Variants in TTBK2 observed in about 807,000 individuals in gnomAD.
TTBK2 encodes the protein tau-tubulin kinase 2.
Under a neutral mutation model 110.8 loss-of-function variants are expected in TTBK2, and 28 were observed. That is an observed-to-expected ratio of 0.25 (90% CI 0.19 to 0.35). The LOEUF is 0.35. TTBK2 is among the 10% of genes least tolerant of loss of function. The pLI is 1.00. For missense variants in TTBK2, 1,369 were observed against 1,500.3 expected (o/e 0.91, Z 1.45); for synonymous variants, 532 against 527.3 (o/e 1.01, Z -0.12).
intron 2 of TTBK2, among the ~76,000 whole-genome samples, chr15:42,874,677 G>A (rs975499331): frequency 3.3e-5 from 5 of 151,062 alleles, no homozygotes; most frequent in African/African-American, 1.2e-4. Context: ...TACAGGATGA[G>A]TTCAAGATTT....
intron 7 of TTBK2, among the ~76,000 whole-genome samples, chr15:42,814,059 C>T (rs1177726759): frequency 2.6e-5 from 4 of 151,980 alleles, no homozygotes; most frequent in Admixed American, 2.6e-4. Flanking sequence ...TCGTTGTCGT[C>T]AGCCCGGGCT....
chr15:42,884,827 C>A (rs1226633506), intron 1 of TTBK2, among the ~76,000 whole-genome samples: 1 of 152,184 alleles, frequency 6.6e-6, no homozygotes, highest in Non-Finnish European at 1.5e-5. Context: ...TCCAGATGGC[C>A]TGAAGCAACT....
intron 6 of TTBK2, among the ~76,000 whole-genome samples, chr15:42,820,992 G>A (rs934675050): frequency 1.3e-5 from 2 of 151,844 alleles, no homozygotes; most frequent in African/African-American, 4.8e-5. Context: ...AGTGAGCTGA[G>A]ATCGTGCCAC....
intron 9 of TTBK2, among the ~76,000 whole-genome samples, chr15:42,809,190 G>C (rs181205548): frequency 6.6e-6 from 1 of 152,202 alleles, no homozygotes; most frequent in Non-Finnish European, 1.5e-5. Flanking sequence ...GCAGGAAAGA[G>C]CTGGATTATT....
chr15:42,891,705 A>C (rs1292179339), intron 1 of TTBK2, among the ~76,000 whole-genome samples: 1 of 152,104 alleles, frequency 6.6e-6, no homozygotes, highest in Non-Finnish European at 1.5e-5. Context: ...TGTATCCTTT[A>C]TAATAAAAAG....
intron 3 of TTBK2, among the ~76,000 whole-genome samples, chr15:42,854,741 T>C (rs1251454035): frequency 6.6e-6 from 1 of 152,094 alleles, no homozygotes. Flanking sequence ...GTTGACTGTC[T>C]ATATGACACG....
chr15:42,840,777 A>C (rs1893189166), intron 3 of TTBK2, among the ~76,000 whole-genome samples: 1 of 152,248 alleles, frequency 6.6e-6, no homozygotes, highest in South Asian at 2.1e-4. Context: ...CAGAAGAGCA[A>C]TAAAAAAGAA....
intron 13 of TTBK2, among the ~76,000 whole-genome samples, chr15:42,756,072 C>T (rs2061941340): frequency 6.6e-6 from 1 of 151,562 alleles, no homozygotes; most frequent in Non-Finnish European, 1.5e-5. Context: ...TGGTGGGCGC[C>T]TGTAATCCCA....
At chr15:42,782,944 T>C (rs1890241028) in intron 11 of TTBK2, among the ~76,000 whole-genome samples, 1 of 152,180 alleles carries the variant, frequency 6.6e-6, no homozygotes, top group Non-Finnish European at 1.5e-5. Context: ...CAGCTGATAC[T>C]AGAAAAATCT....
chr15:42,809,799 A>C (rs973808689), intron 9 of TTBK2, among the ~76,000 whole-genome samples: 2 of 152,232 alleles, frequency 1.3e-5, no homozygotes, highest in Non-Finnish European at 2.9e-5. Context: ...ATACAAAAGC[A>C]GCAATTTCAC....
Position 42,775,647 on chromosome 15 carries a change from G to C in TTBK2, c.1486C>G (p.Pro496Ala), listed in dbSNP as rs963464682. 1 of 1,613,184 alleles carries C rather than the reference G, an allele frequency of 6.2e-7. No homozygotes were observed. Among genetic ancestry groups the C allele is most frequent in the East Asian group, 2.2e-5 (1 of 44,876 alleles). ...LPALLHKPCVPAVSRTDHIWH... is the reference protein window; with the variant it reads ...LPALLHKPCVAAVSRTDHIWH... ...ATGTGGTCAGTACGGGACACAGCAGGAACGCAAGGCTTATGCAGCAGAGCA... is the reference window on the plus strand; with the variant it reads ...ATGTGGTCAGTACGGGACACAGCAGCAACGCAAGGCTTATGCAGCAGAGCA... Residue 496 changes from proline to alanine, a missense_variant, in exon 13 of 15, where the codon CCT becomes GCT. By Grantham distance (27) the Pro-to-Ala change is conservative. Transcript: ENST00000267890.
intron 13 of TTBK2, among the ~76,000 whole-genome samples, chr15:42,758,419 G>T (rs1383452197): frequency 2.0e-5 from 3 of 152,104 alleles, no homozygotes; most frequent in African/African-American, 7.2e-5. Flanking sequence ...ACTTTGGGAG[G>T]CCGAGGCAGG....
chr15:42,752,173 T>C lies in TTBK2; in HGVS notation c.3073A>G (p.Arg1025Gly). 2.5e-6 allele frequency: 4 copies of C among 1,614,230 alleles called. No individual in the cohort carries two copies. ...CEEEVLTPFS[R>G]LTVDSHLSRS... is the part of the protein sequence containing the mutation. ...CTCAGGTGAGAATCTACTGTCAGTC[T>C]TGAAAAGGGAGTGAGCACTTCCTCC... is the stretch of plus-strand genomic sequence containing the variant. Residue 1025 changes from arginine (R) to glycine (G), a missense_variant, in exon 14 of 15, where the codon AGA becomes GGA. Around this residue, in one of 4 missense-constraint regions of TTBK2, gnomAD observed 1,097 missense variants for 1,114.7 expected, o/e 0.98. Transcript: ENST00000267890.
chr15:42,821,950 A>G (rs1402777162), intron 6 of TTBK2, among the ~76,000 whole-genome samples: 2 of 151,122 alleles, frequency 1.3e-5, no homozygotes, highest in Non-Finnish European at 2.9e-5. Flanking sequence ...TTGGCCTCCC[A>G]AAGTGCTGGG....
At chr15:42,750,006 A>G (rs74009217) in intron 14 of TTBK2, among the ~76,000 whole-genome samples, 3,438 of 152,280 alleles carry the variant, frequency 0.023, 117 homozygotes, top group African/African-American at 0.077. Flanking sequence ...GGATCACTTG[A>G]GCCCAGGAGT....
chr15:42,914,098 T>A (rs893267504), intron 1 of TTBK2, among the ~76,000 whole-genome samples: 1 of 151,800 alleles, frequency 6.6e-6, no homozygotes, highest in African/African-American at 2.4e-5. Context: ...TGCCTCAGCC[T>A]CCCAAGTAGC....
intron 1 of TTBK2, among the ~76,000 whole-genome samples, chr15:42,913,074 G>A (rs558707788): frequency 5.6e-5 from 8 of 143,508 alleles, no homozygotes; most frequent in East Asian, 4.3e-4. Context: ...GCAGTGAGCC[G>A]AGATTGCGCC....
rs1042956165 is a variant in TTBK2, at chr15:42,904,830, G to A, written c.-68+15608C>T. ...TGCAGTTAATCAATAGATATTTGGC[G>A]AAGTTAATTAAAGGGCTCAAAATGA... On this transcript the variant is annotated intron_variant, in intron 1 of 14. Transcript: ENST00000267890. 4.0e-5 allele frequency among the ~76,000 whole-genome samples: 6 copies of A among 151,848 alleles called. No homozygotes were observed. In the South Asian group the frequency reaches 8.3e-4, roughly 21 times the overall value.
chr15:42,895,515 A>C (rs1157809548), intron 1 of TTBK2, among the ~76,000 whole-genome samples: 1 of 152,126 alleles, frequency 6.6e-6, no homozygotes, highest in East Asian at 1.9e-4. Flanking sequence ...GAAAGAAAAA[A>C]AATAGAATGT....
Sources: allele counts gnomAD v4.1 joint callset (sites outside exome capture counted in the v4.1 genomes callset), GRCh38; gene constraint gnomAD v4.1.1; regional missense constraint gnomAD v4.1.1; transcripts MANE v1.5; gene names NCBI Gene and HGNC (gene_info 2026-07-23, HGNC 2026-07-21).